The following SNRNP200 variants were observed in gnomAD, a reference collection of about 807,000 sequenced individuals.
SNRNP200 encodes U5 small nuclear ribonucleoprotein 200 kDa helicase.
A neutral mutation model predicts 255.2 loss-of-function variants in SNRNP200; 66 were observed. The observed-to-expected ratio is 0.26, with a 90% CI of 0.21 to 0.32. The LOEUF (loss-of-function observed/expected upper bound fraction) is 0.32, where lower values mean the gene tolerates loss of function less well. SNRNP200 is among the 10% of genes least tolerant of loss of function. The pLI, the probability that SNRNP200 is intolerant of heterozygous loss-of-function variation, is 1.00. For missense variants in SNRNP200, 1,585 were observed against 2,749.8 expected (o/e 0.58, Z 9.47); for synonymous variants, 939 against 1,027.8 (o/e 0.91, Z 1.65).
Position 96,287,018 on chromosome 2 carries a change from CTGGAAG to C in SNRNP200, c.3621_3626del (p.Asp1207_Gln1209delinsGlu), listed in dbSNP as rs1341440904. 1 of 1,614,226 alleles carries C rather than the reference CTGGAAG, an allele frequency of 6.2e-7. No individual in the cohort carries two copies. The highest frequency in any genetic ancestry group is 8.5e-7 in the Non-Finnish European group (1 of 1,180,036). On this transcript the variant is annotated inframe_deletion, in exon 27 of 45. Coordinates refer to ENST00000323853, the MANE Select transcript of SNRNP200 (RefSeq NM_014014.5). The surrounding 1 kb of genome is among the most constrained non-coding windows in gnomAD (Gnocchi z 5.7). ...AGCAAAGCCTCACCTTTTCATCCCA[CTGGAAG>C]TCTGGCGTGATGGTCAGCTCCACCT... is the stretch of plus-strand genomic sequence containing the variant.
At chr2:96,288,429 C>A (rs763977521) in intron 24 of SNRNP200, among the ~76,000 whole-genome samples, 11 of 152,168 alleles carry the variant, frequency 7.2e-5, no homozygotes, top group Non-Finnish European at 1.6e-4. Context: ...TCTCTGAGGG[C>A]CCGTGGAGCC....
chr2:96,285,659 G>A (rs912882681), intron 29 of SNRNP200, among the ~76,000 whole-genome samples: 2 of 152,186 alleles, frequency 1.3e-5, no homozygotes, highest in African/African-American at 2.4e-5. Flanking sequence ...ACTAGGATGC[G>A]GGACAGAAAG....
At chr2:96,298,747 C>A in intron 7 of SNRNP200, 45 bp from the exon 8 acceptor site, 1 of 1,613,554 alleles carries the variant, frequency 6.2e-7, no homozygotes, top group African/African-American at 1.3e-5. Flanking sequence ...AAGCCATCTG[C>A]CACTTCATAC....
In SNRNP200 at chr2:96,278,364, A is replaced by G; in HGVS notation, c.5489-6T>C. Reference sequence around the variant, plus strand: ...GAGGGACATGCTGAAGAGCTCTGACAGAAAAAGGAAATGTGAGAGAAGCTA... The same window carrying G: ...GAGGGACATGCTGAAGAGCTCTGACGGAAAAAGGAAATGTGAGAGAAGCTA... On this transcript the variant is annotated splice_region_variant and splice_polypyrimidine_tract_variant and intron_variant, in intron 38 of 44. Coordinates refer to ENST00000323853, the MANE Select transcript of SNRNP200 (RefSeq NM_014014.5). This position sits in a 1 kb window ranked among gnomAD's most constrained non-coding sequence, Gnocchi z 6.9. 6.2e-7 allele frequency: 1 copy of G among 1,614,202 alleles called. No individual in the cohort carries two copies. The highest frequency in any genetic ancestry group is 8.5e-7 in the Non-Finnish European group (1 of 1,180,040).
Position 96,290,307 on chromosome 2 carries a change from A to G in SNRNP200, c.2742+19T>C. 6.2e-7 allele frequency: 1 copy of G among 1,612,962 alleles called. No homozygotes were observed. ...GTCTGCGGGGAAAGCATGAAGCACA[A>G]CAAGCAGTCCTCCCCTACCTTGGCA... is the stretch of plus-strand genomic sequence containing the variant. On this transcript the variant is annotated intron_variant, in intron 20 of 44. Coordinates refer to ENST00000323853, the MANE Select transcript of SNRNP200 (RefSeq NM_014014.5). This position sits in a 1 kb window ranked among gnomAD's most constrained non-coding sequence, Gnocchi z 4.5.
In SNRNP200 at chr2:96,283,208, G is replaced by A. The variant is rs757949743; in HGVS notation, c.4908C>T (p.Phe1636=). 2.5e-6 allele frequency: 4 copies of A among 1,614,026 alleles called. No individual in the cohort carries two copies. The African/African-American group carries it at 5.3e-5, about 22-fold the overall frequency. The change falls in exon 34 of 45, where the codon TTC becomes TTT. Residue 1636 remains phenylalanine (F), a synonymous_variant. Transcript: ENST00000323853. This position sits in a 1 kb window ranked among gnomAD's most constrained non-coding sequence, Gnocchi z 4.7. ...TTCCGTGGCCTGACTTACCTGAGCT[G>A]AAGAGCTGCTCCACCAGGCGTCGCT... ...PMERRLVEQL[F]SSGAIQVVVA...
Position 96,279,556 on chromosome 2 carries a change from A to G in SNRNP200, c.5028T>C (p.Tyr1676=). 6.2e-7 allele frequency: 1 copy of G among 1,608,740 alleles called. No homozygotes were observed. Residue 1676 remains tyrosine (Y), a synonymous_variant, in exon 36 of 45, where the codon TAT becomes TAC. Transcript: ENST00000323853. The part of the protein sequence containing the change: ...TQYYNGKIHA[Y]VDYPIYDVLQ... ...GCACGTCATAGATGGGGTAATCCAC[A>G]TAGCTGGTGACAGAAGCAGGGAAAG...
chr2:96,290,230 ACGCTGCTGG>A lies in SNRNP200; in HGVS notation c.2742+87_2742+95del. The A allele has an allele frequency of 7.4e-7, 1 of 1,351,968 alleles. No homozygotes were observed. The highest frequency in any genetic ancestry group is 1.7e-5 in the Admixed American group (1 of 59,708). 83.7% of individuals were successfully genotyped at this position (1,351,968 alleles called of 1,614,324 possible). Reference sequence around the variant, plus strand: ...TGGGTGCAGGGATGGAAGGCCTCGGACGCTGCTGGCCCGCAGCACAATAGGGACCGACCC... The same window carrying A: ...TGGGTGCAGGGATGGAAGGCCTCGGACCCGCAGCACAATAGGGACCGACCC... On this transcript the variant is annotated intron_variant, in intron 20 of 44. Transcript: ENST00000323853. The surrounding 1 kb of genome is among the most constrained non-coding windows in gnomAD (Gnocchi z 4.5).
Position 96,291,827 on chromosome 2 carries a change from T to C in SNRNP200, c.2234A>G (p.Lys745Arg). Residue 745 changes from lysine (K) to arginine (R), a missense_variant, in exon 17 of 45, where the codon AAG becomes AGG. Lys to Arg is a conservative substitution (Grantham distance 26). Transcript: ENST00000323853. This position sits in a 1 kb window ranked among gnomAD's most constrained non-coding sequence, Gnocchi z 4.2. ...ARAIRDMCLE[K>R]DTLGLFLREG... ...CCTCAGAAACAGACCCAGAGTGTCC[T>C]TTTCTAGGCACATGTCCCGGATGGC... The C allele has an allele frequency of 1.9e-6, 3 of 1,614,148 alleles. No homozygotes were observed. The highest frequency in any genetic ancestry group is 2.5e-6 in the Non-Finnish European group (3 of 1,180,012).
Position 96,277,470 on chromosome 2 carries a change from C to A in SNRNP200, c.5931+69G>T. 3 of 1,581,348 alleles carry A rather than the reference C, an allele frequency of 1.9e-6. No individual in the cohort carries two copies. Among genetic ancestry groups the A allele is most frequent in the Non-Finnish European group, 1.7e-6 (2 of 1,152,808 alleles). The stretch of plus-strand genomic sequence containing the variant: ...ACTTACTGAGACTCACCTCCCGCAA[C>A]CCACGCTCGGTCCACAACACTGGGC... On this transcript the variant is annotated intron_variant, in intron 41 of 44. Transcript: ENST00000323853. The surrounding 1 kb of genome is among the most constrained non-coding windows in gnomAD (Gnocchi z 4.4).
intron 43 of SNRNP200, chr2:96,276,425 T>A (rs1313292699): frequency 1.2e-5 from 2 of 167,320 alleles, no homozygotes; most frequent in Non-Finnish European, 2.6e-5. Flanking sequence ...TCTAAATTTT[T>A]TTTTTTTTTT....
Position 96,298,198 on chromosome 2 carries a change from C to T in SNRNP200, c.1119+86G>A, listed in dbSNP as rs530279762. The T allele has an allele frequency of 3.1e-6, 5 of 1,591,680 alleles. No homozygotes were observed. The Admixed American group carries it at 8.3e-5, about 27-fold the overall frequency. On this transcript the variant is annotated intron_variant, in intron 9 of 44. Coordinates refer to ENST00000323853, the MANE Select transcript of SNRNP200 (RefSeq NM_014014.5). ...TAGGAAATTACTTTTTCAACTTCCA[C>T]TTTTAACATGAATTTAGCTTCATGC...
intron 5 of SNRNP200, 127 bp downstream of exon 5, chr2:96,300,871 T>C: frequency 1.3e-6 from 1 of 795,730 alleles, no homozygotes; most frequent in Non-Finnish European, 2.2e-6. Context: ...AATGCCCAAG[T>C]CTGAAACCCA....
chr2:96,290,365 G>A lies in SNRNP200; in HGVS notation c.2703C>T (p.Leu901=). The A allele has an allele frequency of 6.2e-7, 1 of 1,614,118 alleles. No individual in the cohort carries two copies. The highest frequency in any genetic ancestry group is 8.5e-7 in the Non-Finnish European group (1 of 1,180,014). Residue 901 remains leucine, a synonymous_variant, in exon 20 of 45, where the codon CTC becomes CTT. Transcript: ENST00000323853. This position sits in a 1 kb window ranked among gnomAD's most constrained non-coding sequence, Gnocchi z 4.5. ...SQMVSKLPDM[L]NAEIVLGNVQ... is the part of the protein sequence containing the mutation. ...CATTTCCTAGCACGATTTCTGCATT[G>A]AGCATGTCAGGAAGCTTTGAAACCA...
At position 96,289,280 on chromosome 2, in the gene SNRNP200, G is replaced by A; in HGVS notation, c.3040C>T (p.Leu1014Phe). 6.2e-7 allele frequency: 1 copy of A among 1,614,200 alleles called. No homozygotes were observed. Among genetic ancestry groups the A allele is most frequent in the Non-Finnish European group, 8.5e-7 (1 of 1,180,030 alleles). Residue 1014 changes from leucine to phenylalanine, a missense_variant, in exon 22 of 45, where the codon CTT becomes TTT. Leu to Phe is a conservative substitution (Grantham distance 22). Around this residue, in one of 9 missense-constraint regions of SNRNP200, gnomAD observed 719 missense variants for 1,091.1 expected, o/e 0.66. Coordinates refer to ENST00000323853, the MANE Select transcript of SNRNP200 (RefSeq NM_014014.5). ...GAGGACAATGAGAAGACCCTGAAAA[G>A]CTCAATCTCACTCAGGGTGGGCTTC... ...LLKPTLSEIE[L>F]FRVFSLSSEF...
Position 96,290,010 on chromosome 2 carries a change from C to T in SNRNP200, c.2743-14G>A. ...GTTCACCGCATCCTACAAGACACAG[C>T]TCATGGTTCTTAGCATGGAGAAACT... On this transcript the variant is annotated splice_polypyrimidine_tract_variant and intron_variant, in intron 20 of 44. Coordinates refer to ENST00000323853, the MANE Select transcript of SNRNP200 (RefSeq NM_014014.5). This position sits in a 1 kb window ranked among gnomAD's most constrained non-coding sequence, Gnocchi z 4.5. 1 of 1,613,524 alleles carries T rather than the reference C, an allele frequency of 6.2e-7. No individual in the cohort carries two copies. Among genetic ancestry groups the T allele is most frequent in the South Asian group, 1.1e-5 (1 of 91,074 alleles).
rs367687155 is a variant in SNRNP200 at position 96,297,030 on chromosome 2, G to C, written c.1418C>G (p.Ala473Gly). 1.2e-6 allele frequency: 2 copies of C among 1,614,060 alleles called. No individual in the cohort carries two copies. The highest frequency in any genetic ancestry group is 2.7e-5 in the African/African-American group (2 of 74,928). The change falls in exon 12 of 45, where the codon GCT (alanine) becomes GGT (glycine). Residue 473 changes from alanine to glycine, a missense_variant. Around this residue, in one of 9 missense-constraint regions of SNRNP200, gnomAD observed 383 missense variants for 645.3 expected, o/e 0.59. Coordinates refer to ENST00000323853, the MANE Select transcript of SNRNP200 (RefSeq NM_014014.5). ...PVEKLPKYAQAGFEGFKTLNR... is the reference protein window; with the variant it reads ...PVEKLPKYAQGGFEGFKTLNR... ...CAGTGTTTTGAAGCCCTCAAACCCA[G>C]CCTGGGCATACTTTGGCAGCTTTTC...
chr2:96,293,124 G>T (rs1383902530), intron 15 of SNRNP200, 29 bp from the exon 16 acceptor site: 1 of 1,614,070 alleles, frequency 6.2e-7, no homozygotes, highest in Non-Finnish European at 8.5e-7. Flanking sequence ...GACAAATGAG[G>T]CTTTGGCAGA....
chr2:96,284,116 T>G, intron 31 of SNRNP200, 112 bp from the exon 32 acceptor site: 6 of 1,070,180 alleles, frequency 5.6e-6, no homozygotes, highest in Non-Finnish European at 8.3e-6. Context: ...TTCTTCCTTC[T>G]AACTAGGAGC....
Sources: gnomAD v4.1 joint callset for allele counts (sites outside exome capture counted in the v4.1 genomes callset) on GRCh38, gnomAD v4.1.1 for gene constraint, gnomAD v4.1.1 regional missense constraint, Gnocchi (gnomAD v3.1) non-coding constraint, MANE v1.5 for transcripts, NCBI Gene and HGNC (gene_info 2026-07-23, HGNC 2026-07-21) for gene names.